The following DMD variants were observed in gnomAD, a reference collection of about 807,000 sequenced individuals.
DMD encodes the protein mutant dystrophin.
In DMD, 63 loss-of-function variants were observed where a neutral mutation model predicts 330.1. The observed-to-expected ratio is 0.19, with a 90% CI of 0.16 to 0.24. The LOEUF (loss-of-function observed/expected upper bound fraction) is 0.24. Ranked by LOEUF, DMD falls within the 10% of genes least tolerant of loss-of-function variation. The probability of loss-of-function intolerance (pLI) is 1.00; values close to 1 mark genes in which losing one functional copy is unlikely to be tolerated. For missense variants in DMD, 3,344 were observed against 2,684.1 expected, an observed-to-expected ratio of 1.25 and a Z score of -5.43; for synonymous variants, 1,223 against 959.8, an observed-to-expected ratio of 1.27 and a Z score of -5.07.
chrX:32,185,098 T>C (rs2096941076), intron 44 of DMD, among the ~76,000 whole-genome samples: 2 of 111,011 alleles, frequency 1.8e-5, no homozygotes, highest in African/African-American at 6.5e-5. Context: ...AGCTAAATAG[T>C]TATCTGTTAA....
chrX:32,564,670 G>C (rs1245415543), intron 16 of DMD, among the ~76,000 whole-genome samples: 1 of 111,499 alleles, frequency 9.0e-6, no homozygotes, highest in South Asian at 3.7e-4. Context: ...CGTAAAATTG[G>C]ATTAAAAGTA....
Position 33,033,713 on chromosome X carries a change from G to A in DMD, c.32-13513C>T, listed in dbSNP as rs370509306. ...AGCCTGGGCGACAGAGCGAGACTCCGTCTCAAAAAAAAAAAGCTCTCATAC... is the reference window on the plus strand; with the variant it reads ...AGCCTGGGCGACAGAGCGAGACTCCATCTCAAAAAAAAAAAGCTCTCATAC... On this transcript the variant is annotated intron_variant, in intron 1 of 78. Transcript: ENST00000357033. Among the ~76,000 whole-genome samples the A allele has an allele frequency of 3.4e-3, 370 of 108,481 alleles. 2 individuals carry two copies. Among genetic ancestry groups the A allele is most frequent in the African/African-American group, 0.011 (315 of 29,843 alleles). 94.2% of individuals were successfully genotyped at this position (108,481 alleles called of 115,157 possible). A position where few individuals can be genotyped will look rare whatever the true frequency, so the allele number is the denominator to read the frequency against.
At chrX:31,538,922 C>A (rs1361628240) in intron 55 of DMD, among the ~76,000 whole-genome samples, 1 of 110,864 alleles carries the variant, frequency 9.0e-6, no homozygotes, top group Non-Finnish European at 1.9e-5. Context: ...CTCTTCATGG[C>A]AGTCCTGAAT....
At chrX:32,869,649 G>C (rs771611068) in intron 2 of DMD, among the ~76,000 whole-genome samples, 54 of 109,013 alleles carry the variant, frequency 5.0e-4, no homozygotes, top group Non-Finnish European at 8.7e-4. Flanking sequence ...ATGAATTTCA[G>C]AGCTTGAAGA....
intron 48 of DMD, among the ~76,000 whole-genome samples, chrX:31,838,061 A>T (rs1378884750): frequency 8.9e-6 from 1 of 111,751 alleles, no homozygotes; most frequent in Admixed American, 9.5e-5. Context: ...AAGAAAACAC[A>T]TTGTTCCCTG....
chrX:31,851,834 G>C (rs934637409), intron 48 of DMD, among the ~76,000 whole-genome samples: 9 of 111,635 alleles, frequency 8.1e-5, no homozygotes, highest in African/African-American at 2.3e-4. Context: ...GTGGCATGTG[G>C]AGAGTTTAGA....
intron 2 of DMD, among the ~76,000 whole-genome samples, chrX:33,014,760 T>C (rs748445785): frequency 9.4e-6 from 1 of 106,431 alleles, no homozygotes; most frequent in Admixed American, 1.0e-4. Flanking sequence ...CATAAATATA[T>C]GCATTTTTCA....
chrX:32,874,410 CTCTTT>C, intron 2 of DMD, among the ~76,000 whole-genome samples: 1 of 111,638 alleles, frequency 9.0e-6, no homozygotes, highest in South Asian at 3.8e-4. Flanking sequence ...CAAGATGCAT[CTCTTT>C]TCTTTCCTAA....
At chrX:32,770,128 G>A (rs990795030) in intron 7 of DMD, among the ~76,000 whole-genome samples, 1 of 111,909 alleles carries the variant, frequency 8.9e-6, no homozygotes, top group Non-Finnish European at 1.9e-5. Flanking sequence ...GCAATAAAAG[G>A]CAGGCATAGA....
chrX:31,880,897 T>C, intron 47 of DMD, among the ~76,000 whole-genome samples: 1 of 112,126 alleles, frequency 8.9e-6, no homozygotes, highest in African/African-American at 3.2e-5. Flanking sequence ...TACTATATTC[T>C]TAATTAGTTC....
intron 62 of DMD, chrX:31,267,094 GA>G: frequency 3.4e-6 from 1 of 295,709 alleles, no homozygotes; most frequent in East Asian, 5.5e-5. Context: ...AAACGGAAAG[GA>G]AAAAGAAAAG....
chrX:32,849,660 T>C (rs1276770126), intron 3 of DMD, 68 bp downstream of exon 3: 1 of 812,497 alleles, frequency 1.2e-6, no homozygotes, highest in Admixed American at 2.2e-5. Context: ...CATAAAACTA[T>C]GTTGTCAGTT....
At chrX:32,844,916 A>G (rs1249690279) in intron 3 of DMD, 56 bp from the exon 4 acceptor site, 1 of 963,479 alleles carries the variant, frequency 1.0e-6, no homozygotes, top group Non-Finnish European at 1.5e-6. Flanking sequence ...ACAATCTACT[A>G]GAAATGAAAC....
intron 50 of DMD, among the ~76,000 whole-genome samples, chrX:31,797,868 A>C (rs1315856568): frequency 8.9e-6 from 1 of 112,067 alleles, no homozygotes; most frequent in East Asian, 2.8e-4. Flanking sequence ...TATAGGTGGT[A>C]AGAATTGGAA....
chrX:31,409,521 G>A (rs1488713318), intron 60 of DMD, among the ~76,000 whole-genome samples: 2 of 112,203 alleles, frequency 1.8e-5, no homozygotes, highest in African/African-American at 6.5e-5. Flanking sequence ...TGGCAATTTG[G>A]TAAGATAATA....
intron 1 of DMD, among the ~76,000 whole-genome samples, chrX:33,225,610 A>C (rs989003317): frequency 4.5e-5 from 5 of 111,968 alleles, no homozygotes; most frequent in African/African-American, 1.6e-4. Flanking sequence ...CAAAATAATA[A>C]ATATTTTACA....
chrX:32,860,517 T>C (rs1185494671), intron 2 of DMD, among the ~76,000 whole-genome samples: 2 of 111,487 alleles, frequency 1.8e-5, no homozygotes, highest in Non-Finnish European at 3.8e-5. Context: ...AGAACGCTGC[T>C]GACCAGCTCC....
At chrX:31,592,002 T>C (rs774880636) in intron 55 of DMD, among the ~76,000 whole-genome samples, 2 of 110,812 alleles carry the variant, frequency 1.8e-5, no homozygotes, top group Non-Finnish European at 3.8e-5. Context: ...CCTGGTCCTA[T>C]TGGGCAGTTA....
intron 55 of DMD, among the ~76,000 whole-genome samples, chrX:31,622,877 T>TATATATATATATATATAC: frequency 1.4e-5 from 1 of 70,311 alleles, no homozygotes; most frequent in East Asian, 4.6e-4. Context: ...TATATATATA[T>TATATATATATATATATAC]ACACACACAC....
Sources: gnomAD v4.1 joint callset for allele counts (sites outside exome capture counted in the v4.1 genomes callset) on GRCh38, gnomAD v4.1.1 for gene constraint, MANE v1.5 for transcripts, NCBI Gene and HGNC (gene_info 2026-07-23, HGNC 2026-07-21) for gene names.